ACACB: variants seen among roughly 807,000 people sequenced by gnomAD.
ACACB encodes the protein acetyl-CoA carboxylase 2.
A neutral mutation model predicts 278.8 loss-of-function variants in ACACB; 209 were observed. The ratio of observed to expected loss-of-function variants is 0.75; its 90% CI spans 0.67 to 0.84. The LOEUF (loss-of-function observed/expected upper bound fraction) is 0.84, where lower values mean the gene tolerates loss of function less well. ACACB is among the 40% of genes least tolerant of loss of function. The pLI is 0.00. For missense variants in ACACB, 2,850 were observed against 3,269.0 expected, an observed-to-expected ratio of 0.87 and a Z score of 3.13; for synonymous variants, 1,174 against 1,285.6, an observed-to-expected ratio of 0.91 and a Z score of 1.86.
In ACACB at chr12:109,201,700, C is replaced by A. The variant is rs759824633; in HGVS notation, c.2912C>A (p.Pro971Gln). 3.1e-6 allele frequency: 5 copies of A among 1,613,656 alleles called. No individual in the cohort carries two copies. Among genetic ancestry groups the A allele is most frequent in the South Asian group, 1.1e-5 (1 of 90,996 alleles). The change falls in exon 19 of 53, where the codon CCG (proline) becomes CAG (glutamine). Residue 971 changes from proline (P) to glutamine (Q), a missense_variant and splice_region_variant. This residue lies in a region of ACACB where 2,265 missense variants were observed against 2,561.3 expected (regional missense o/e 0.88). Transcript: ENST00000338432. ...LELDDPSKVHPAEPFTGELPA... is the reference protein window; with the variant it reads ...LELDDPSKVHQAEPFTGELPA... ...CTCGATGACCCTTCTAAAGTCCACC[C>A]GGTATGTGGCTCCACGGCCCAAGTG...
intron 33 of ACACB, among the ~76,000 whole-genome samples, chr12:109,236,634 G>T (rs1056283264): frequency 3.3e-5 from 5 of 152,164 alleles, no homozygotes; most frequent in Non-Finnish European, 5.9e-5. Context: ...AGAACAGGTA[G>T]GTTTATTCCC....
intron 20 of ACACB, among the ~76,000 whole-genome samples, chr12:109,207,381 C>T (rs745998532): frequency 1.3e-5 from 2 of 152,216 alleles, no homozygotes; most frequent in Non-Finnish European, 2.9e-5. Flanking sequence ...ACTGAGAATA[C>T]TCCAGTAGGA....
chr12:109,148,016 C>A (rs908809889), intron 2 of ACACB, among the ~76,000 whole-genome samples: 1 of 152,164 alleles, frequency 6.6e-6, no homozygotes, highest in African/African-American at 2.4e-5. Context: ...TAGGATCATG[C>A]AAACTCAGCC....
At chr12:109,140,256 ATCCTTCCTTCCTTCTTTCCTTCCTTCCT>A (rs1259186547) in intron 2 of ACACB, among the ~76,000 whole-genome samples, 198 bp downstream of exon 2, 5,852 of 83,256 alleles carry the variant, frequency 0.07, 861 homozygotes, top group Middle Eastern at 0.11. Flanking sequence ...CCTTCCTTCC[ATCCTTCCTTCCTTCTTTCCTTCCTTCCT>A]TCCTTCCTTC....
intron 22 of ACACB, among the ~76,000 whole-genome samples, chr12:109,214,937 T>C (rs1029730527): frequency 6.6e-6 from 1 of 151,840 alleles, no homozygotes; most frequent in African/African-American, 2.4e-5. Context: ...GTCTACAAAA[T>C]ATACAAAAAT....
At chr12:109,133,242 C>T (rs1402787767) in intron 1 of ACACB, among the ~76,000 whole-genome samples, 1 of 68,546 alleles carries the variant, frequency 1.5e-5, no homozygotes, top group Admixed American at 1.3e-4. Flanking sequence ...ACTTCTCTTT[C>T]TCTCTCTCTC....
chr12:109,252,011 C>A (rs1310265301), intron 41 of ACACB, 35 bp from the exon 42 acceptor site: 4 of 1,537,980 alleles, frequency 2.6e-6, no homozygotes, highest in Middle Eastern at 1.7e-4. Context: ...TCCCTCGCCA[C>A]TCTCCAGAAT....
chr12:109,234,100 C>T (rs150868301), intron 31 of ACACB, 55 bp downstream of exon 31: 1 of 1,451,710 alleles, frequency 6.9e-7, no homozygotes, highest in Non-Finnish European at 9.5e-7. Flanking sequence ...GGAGGAGGGG[C>T]TGGGCTCGTC....
At chr12:109,117,954 T>C (rs1238822334) in intron 1 of ACACB, among the ~76,000 whole-genome samples, 1 of 152,164 alleles carries the variant, frequency 6.6e-6, no homozygotes, top group Non-Finnish European at 1.5e-5. Flanking sequence ...TTCACTGTGT[T>C]AGCCAGGATG....
At chr12:109,177,658 G>A (rs940113475) in intron 9 of ACACB, among the ~76,000 whole-genome samples, 3 of 152,084 alleles carry the variant, frequency 2.0e-5, no homozygotes, top group Admixed American at 6.6e-5. Context: ...GGTTTCACTC[G>A]TTAACATTTT....
At chr12:109,223,038 C>T in intron 26 of ACACB, 126 bp downstream of exon 26, 1 of 762,046 alleles carries the variant, frequency 1.3e-6, no homozygotes, top group Non-Finnish European at 2.2e-6. Context: ...GCCACAGATG[C>T]AGACAGTTCA....
rs544990923 is a variant in ACACB, at chr12:109,206,710, G to T, written c.2914G>T (p.Ala972Ser). The T allele has an allele frequency of 2.5e-6, 4 of 1,613,876 alleles. No individual in the cohort carries two copies. The South Asian group carries it at 4.4e-5, about 18-fold the overall frequency. ...ELDDPSKVHP[A>S]EPFTGELPAQ... ...TGTCGTTCTTGTGGTGTCTCATCAG[G>T]CTGAACCGTTCACAGGAGAACTCCC... The change falls in exon 20 of 53, where the codon GCT becomes TCT. Residue 972 changes from alanine (A) to serine (S), a missense_variant and splice_region_variant. Coordinates refer to ENST00000338432, the MANE Select transcript of ACACB (RefSeq NM_001093.4).
chr12:109,228,423 G>T (rs1386614477), intron 28 of ACACB, among the ~76,000 whole-genome samples: 1 of 151,936 alleles, frequency 6.6e-6, no homozygotes, highest in Non-Finnish European at 1.5e-5. Flanking sequence ...GAGGGCTGAA[G>T]GGGGCAGATC....
intron 35 of ACACB, 61 bp downstream of exon 35, chr12:109,240,046 T>C (rs2046750663): frequency 6.4e-7 from 1 of 1,561,034 alleles, no homozygotes; most frequent in Non-Finnish European, 8.7e-7. Context: ...GCCATGCTGC[T>C]TTGGGGTATT....
chr12:109,183,937 CA>C (rs985109238), intron 11 of ACACB, among the ~76,000 whole-genome samples: 3 of 151,428 alleles, frequency 2.0e-5, no homozygotes, highest in African/African-American at 7.3e-5. Context: ...TGAAAGATTT[CA>C]AAAAAGTTGC....
At chr12:109,154,504 A>G (rs1295287129) in intron 2 of ACACB, among the ~76,000 whole-genome samples, 1 of 152,160 alleles carries the variant, frequency 6.6e-6, no homozygotes, top group Non-Finnish European at 1.5e-5. Flanking sequence ...TTAAAAATAT[A>G]TATCTCCGCA....
chr12:109,222,420 C>T (rs746470761), intron 24 of ACACB, 87 bp from the exon 25 acceptor site: 52 of 1,235,584 alleles, frequency 4.2e-5, no homozygotes, highest in East Asian at 9.3e-5. Flanking sequence ...CTGGCTTTTG[C>T]GGCAGGTGCT....
intron 38 of ACACB, 106 bp downstream of exon 38, chr12:109,245,854 C>A: frequency 7.1e-7 from 1 of 1,402,784 alleles, no homozygotes; most frequent in Non-Finnish European, 9.6e-7. Context: ...TTTGGGAGGC[C>A]AAGGTGGGTG....
At chr12:109,205,937 CTG>C (rs1400238755) in intron 19 of ACACB, among the ~76,000 whole-genome samples, 1 of 152,124 alleles carries the variant, frequency 6.6e-6, no homozygotes, top group Non-Finnish European at 1.5e-5. Flanking sequence ...CACATTTAGT[CTG>C]TGTTGCCCTC....
Sources: allele counts gnomAD v4.1 joint callset (sites outside exome capture counted in the v4.1 genomes callset), GRCh38; gene constraint gnomAD v4.1.1; regional missense constraint gnomAD v4.1.1; transcripts MANE v1.5; gene names NCBI Gene and HGNC (gene_info 2026-07-23, HGNC 2026-07-21).